Variants in AKT2 observed in about 807,000 individuals in gnomAD.
The protein encoded by AKT2 is AKT serine/threonine kinase 2.
AKT2 carries 16 observed loss-of-function variants against 58.6 expected under a neutral mutation model. That is an observed-to-expected ratio of 0.27 (90% confidence interval 0.18 to 0.41). The LOEUF (loss-of-function observed/expected upper bound fraction) is 0.41. Ranked by LOEUF, AKT2 falls within the 10% of genes least tolerant of loss-of-function variation. The pLI, the probability that AKT2 is intolerant of heterozygous loss-of-function variation, is 1.00. For missense variants in AKT2, 438 were observed against 661.0 expected (o/e 0.66, Z 3.70); for synonymous variants, 253 against 254.0 (o/e 1.00, Z 0.04).
In AKT2 at chr19:40,234,268, C is replaced by T. The variant is rs1016539802; in HGVS notation, c.1367-317G>A. On this transcript the variant is annotated intron_variant, in intron 13 of 13. Coordinates refer to ENST00000392038, the MANE Select transcript of AKT2 (RefSeq NM_001626.6). The surrounding 1 kb of genome is among the most constrained non-coding windows in gnomAD (Gnocchi z 4.7). The stretch of plus-strand genomic sequence containing the variant: ...AGCCCAGAGCCCTGTCCTGGCCTGC[C>T]TCTCGCACCCTCCCATCCATTCTCC... Among the ~76,000 whole-genome samples, 1 of 152,166 alleles carries T rather than the reference C, an allele frequency of 6.6e-6. No homozygotes were observed. Among genetic ancestry groups the T allele is most frequent in the Non-Finnish European group, 1.5e-5 (1 of 68,024 alleles).
chr19:40,237,882 G>C lies in AKT2; in HGVS notation c.831+87C>G. 1 of 1,578,132 alleles carries C rather than the reference G, an allele frequency of 6.3e-7. No individual in the cohort carries two copies. The highest frequency in any genetic ancestry group is 1.1e-5 in the South Asian group (1 of 88,748). ...CCTTGGTGGGGAGCCTGGCGAATGA[G>C]GGCAGAAGCTCAGCCCAACTTCCCC... On this transcript the variant is annotated intron_variant, in intron 9 of 13. Coordinates refer to ENST00000392038, the MANE Select transcript of AKT2 (RefSeq NM_001626.6). This position sits in a 1 kb window ranked among gnomAD's most constrained non-coding sequence, Gnocchi z 4.5.
intron 1 of AKT2, chr19:40,284,941 C>T (rs369728131): frequency 1.2e-3 from 398 of 336,082 alleles, no homozygotes; most frequent in African/African-American, 7.4e-3. Context: ...CTCCCCGTCC[C>T]GCAAACTTGC....
intron 1 of AKT2, among the ~76,000 whole-genome samples, chr19:40,268,334 G>A (rs929531379): frequency 2.0e-5 from 3 of 152,178 alleles, no homozygotes; most frequent in Non-Finnish European, 4.4e-5. Flanking sequence ...CCCAGGGCTC[G>A]GCCTACTGCC....
intron 2 of AKT2, among the ~76,000 whole-genome samples, chr19:40,264,220 G>A (rs928194587): frequency 2.6e-5 from 4 of 152,150 alleles, no homozygotes; most frequent in Non-Finnish European, 2.9e-5. Context: ...CTTTCCAGGG[G>A]GAGGCCCACA....
In AKT2 at chr19:40,241,933, C is replaced by G; in HGVS notation, c.573+5G>C. The G allele has an allele frequency of 6.2e-7, 1 of 1,613,750 alleles. No individual in the cohort carries two copies. Among genetic ancestry groups the G allele is most frequent in the Non-Finnish European group, 8.5e-7 (1 of 1,180,020 alleles). On this transcript the variant is annotated splice_donor_5th_base_variant and intron_variant, in intron 6 of 13. Transcript: ENST00000392038. ...GCTCGCGAGCGCAATTCCCGGGGCA[C>G]GCACCTTGGCAATGATGACTTCCTT... is the stretch of plus-strand genomic sequence containing the variant.
chr19:40,272,881 C>A lies in AKT2; in HGVS notation c.-84-7530G>T, dbSNP rs1345677640. On this transcript the variant is annotated intron_variant, in intron 1 of 13. Coordinates refer to ENST00000392038, the MANE Select transcript of AKT2 (RefSeq NM_001626.6). Reference sequence around the variant, plus strand: ...GTGTCACCTGCTGTGAGACCTTGGGCAAGTCACCAAGTCATGTTCCCTTTC... The same window carrying A: ...GTGTCACCTGCTGTGAGACCTTGGGAAAGTCACCAAGTCATGTTCCCTTTC... 2.6e-5 allele frequency among the ~76,000 whole-genome samples: 4 copies of A among 152,330 alleles called. No individual in the cohort carries two copies. The East Asian group carries it at 7.7e-4, about 29-fold the overall frequency.
Position 40,235,969 on chromosome 19 carries a change from C to T in AKT2, c.1096G>A (p.Glu366Lys), listed in dbSNP as rs765232271. The T allele has an allele frequency of 1.9e-6, 3 of 1,614,082 alleles. No individual in the cohort carries two copies. The East Asian group carries it at 6.7e-5, about 36-fold the overall frequency. The change falls in exon 11 of 14, where the codon GAG becomes AAG. Residue 366 changes from glutamate to lysine, a missense_variant. Coordinates refer to ENST00000392038, the MANE Select transcript of AKT2 (RefSeq NM_001626.6). The surrounding 1 kb of genome is among the most constrained non-coding windows in gnomAD (Gnocchi z 6.3). Reference sequence around the variant, plus strand: ...CTGAGCGTGCGCGGGAAGCGGATCTCTTCCATGAGGATGAGCTCGAAGAGG... The same window carrying T: ...CTGAGCGTGCGCGGGAAGCGGATCTTTTCCATGAGGATGAGCTCGAAGAGG... ...ERLFELILMEEIRFPRTLSPE... is the reference protein window; with the variant it reads ...ERLFELILMEKIRFPRTLSPE...
chr19:40,234,617 G>A lies in AKT2; in HGVS notation c.1366+428C>T. ...TTCCTCTGGGATTCCCCAGTCCCTG[G>A]CCTCCCACGCCCTAGCCCTGACCAC... On this transcript the variant is annotated intron_variant, in intron 13 of 13. Transcript: ENST00000392038. The surrounding 1 kb of genome is among the most constrained non-coding windows in gnomAD (Gnocchi z 4.7). 1 of 461,104 alleles carries A rather than the reference G, an allele frequency of 2.2e-6. No homozygotes were observed. Among genetic ancestry groups the A allele is most frequent in the East Asian group, 3.3e-5 (1 of 30,040 alleles). 28.6% of individuals were successfully genotyped at this position (461,104 alleles called of 1,614,324 possible). A position where few individuals can be genotyped will look rare whatever the true frequency, so the allele number is the denominator to read the frequency against.
At position 40,234,426 on chromosome 19, in the gene AKT2, AG is replaced by A. The variant is rs1223258074; in HGVS notation, c.1367-476del. On this transcript the variant is annotated intron_variant, in intron 13 of 13. Coordinates refer to ENST00000392038, the MANE Select transcript of AKT2 (RefSeq NM_001626.6). This position sits in a 1 kb window ranked among gnomAD's most constrained non-coding sequence, Gnocchi z 4.7. ...AGTGGCCCCCAGACCCTTGCACTCC[AG>A]CCCCATGCCCTCTCTTCTCACCACC... 4.5e-6 allele frequency: 1 copy of A among 222,478 alleles called. No homozygotes were observed. The highest frequency in any genetic ancestry group is 8.8e-6 in the Non-Finnish European group (1 of 113,014). The allele number at this position is 222,478 out of a possible 1,614,324, so 13.8% of individuals were successfully genotyped here.
chr19:40,254,063 G>A (rs558137707), intron 4 of AKT2, among the ~76,000 whole-genome samples: 1 of 152,120 alleles, frequency 6.6e-6, no homozygotes, highest in East Asian at 1.9e-4. Flanking sequence ...GATTAACTGG[G>A]GGGCAGGGAG....
In AKT2 at chr19:40,241,917, C is replaced by T. The variant is rs746121926; in HGVS notation, c.573+21G>A. On this transcript the variant is annotated intron_variant, in intron 6 of 13. Transcript: ENST00000392038. ...CGCAGCCCCCACAGAGGCTCGCGAG[C>T]GCAATTCCCGGGGCACGCACCTTGG... The T allele has an allele frequency of 2.2e-5, 35 of 1,613,028 alleles. No individual in the cohort carries two copies. The Admixed American group carries it at 4.5e-4, about 21-fold the overall frequency.
intron 1 of AKT2, among the ~76,000 whole-genome samples, chr19:40,269,239 C>T (rs1379852179): frequency 6.6e-6 from 1 of 152,140 alleles, no homozygotes; most frequent in Non-Finnish European, 1.5e-5. Context: ...CACGGCCCCA[C>T]CACACTCATT....
chr19:40,282,155 G>C (rs2077435032), intron 1 of AKT2: 2 of 210,034 alleles, frequency 9.5e-6, no homozygotes. Flanking sequence ...CAAAAGTAGG[G>C]GGTGGGGGAG....
At chr19:40,259,522 T>C (rs1975789488) in intron 2 of AKT2, among the ~76,000 whole-genome samples, 2 of 152,206 alleles carry the variant, frequency 1.3e-5, no homozygotes, top group African/African-American at 2.4e-5. Flanking sequence ...TACTTTGAAT[T>C]TGGCAATGAA....
chr19:40,250,502 T>TA (rs935536091), intron 4 of AKT2, among the ~76,000 whole-genome samples: 23 of 141,414 alleles, frequency 1.6e-4, no homozygotes, highest in South Asian at 6.8e-4. Context: ...AAACTCTGTC[T>TA]AAAAAAAAAA....
chr19:40,246,968 G>A (rs907333045), intron 4 of AKT2, among the ~76,000 whole-genome samples: 4 of 152,218 alleles, frequency 2.6e-5, no homozygotes, highest in Admixed American at 1.3e-4. Flanking sequence ...GAAGACACTC[G>A]CAGGGGCGGG....
Position 40,242,652 on chromosome 19 carries a change from T to C in AKT2, c.323A>G (p.Asn108Ser). Residue 108 changes from asparagine to serine, a missense_variant, in exon 5 of 14, where the codon AAC becomes AGC. Physicochemically the swap from Asn to Ser is conservative, Grantham distance 46. Around this residue, in one of 3 missense-constraint regions of AKT2, gnomAD observed 244 missense variants for 347.1 expected, o/e 0.70. Transcript: ENST00000392038. The surrounding 1 kb of genome is among the most constrained non-coding windows in gnomAD (Gnocchi z 4.3). The stretch of plus-strand genomic sequence containing the variant: ...GCCTGGGGCCCGCTGCTTGAGGCTG[T>C]TGGCGACCATCTGGATGGCCCGCAT... ...EWMRAIQMVA[N>S]SLKQRAPGED... The C allele has an allele frequency of 6.2e-7, 1 of 1,612,772 alleles. No individual in the cohort carries two copies. Among genetic ancestry groups the C allele is most frequent in the Non-Finnish European group, 8.5e-7 (1 of 1,180,002 alleles).
In AKT2 at chr19:40,233,750, G is replaced by A; in HGVS notation, c.*122C>T. On this transcript the variant is annotated 3_prime_UTR_variant, in exon 14 of 14. Transcript: ENST00000392038. This position sits in a 1 kb window ranked among gnomAD's most constrained non-coding sequence, Gnocchi z 4.3. ...TCTGGGAGGGGCCTGAAGAAGAACTGGAAAGGGGGTGAGGAGGTGGGGGTG... is the reference window on the plus strand; with the variant it reads ...TCTGGGAGGGGCCTGAAGAAGAACTAGAAAGGGGGTGAGGAGGTGGGGGTG... 1.0e-6 allele frequency: 1 copy of A among 969,708 alleles called. No individual in the cohort carries two copies. Among genetic ancestry groups the A allele is most frequent in the East Asian group, 2.5e-5 (1 of 40,506 alleles). The allele number at this position is 969,708 out of a possible 1,614,324, so 60.1% of individuals were successfully genotyped here.
chr19:40,265,243 C>T lies in AKT2; in HGVS notation c.25G>A (p.Glu9Lys), dbSNP rs748173515. 3.1e-6 allele frequency: 5 copies of T among 1,613,468 alleles called. No individual in the cohort carries two copies. Among genetic ancestry groups the T allele is most frequent in the Non-Finnish European group, 4.2e-6 (5 of 1,179,790 alleles). The change falls in exon 2 of 14, where the codon GAA (glutamate) becomes AAA (lysine). Residue 9 changes from glutamate to lysine, a missense_variant. Around this residue, in one of 3 missense-constraint regions of AKT2, gnomAD observed 244 missense variants for 347.1 expected, o/e 0.70. Transcript: ENST00000392038. MNEVSVIK[E>K]GWLHKRGEYI... ...TTACCACGCTTGTGGAGCCAGCCTTCTTTGATGACAGACACCTCATTCATG... is the reference window on the plus strand; with the variant it reads ...TTACCACGCTTGTGGAGCCAGCCTTTTTTGATGACAGACACCTCATTCATG...
Sources: allele counts gnomAD v4.1 joint callset (sites outside exome capture counted in the v4.1 genomes callset), GRCh38; gene constraint gnomAD v4.1.1; regional missense constraint gnomAD v4.1.1; non-coding constraint Gnocchi (gnomAD v3.1); transcripts MANE v1.5; gene names NCBI Gene and HGNC (gene_info 2026-07-23, HGNC 2026-07-21).